WDFY4: variants seen among roughly 807,000 people sequenced by gnomAD.
The protein encoded by WDFY4 is WD repeat- and FYVE domain-containing protein 4.
WDFY4 carries 169 observed loss-of-function variants against 351.9 expected under a neutral mutation model. That is an observed-to-expected ratio of 0.48 (90% CI 0.42 to 0.55). The LOEUF (loss-of-function observed/expected upper bound fraction) is 0.55. Among genes scored for constraint, WDFY4 ranks in the 20% least tolerant of loss-of-function variants. WDFY4 has a pLI of 0.00. For synonymous variants in WDFY4, 1,622 were observed against 1,574.6 expected (o/e 1.03, Z -0.71); for missense variants, 3,803 against 3,935.6 (o/e 0.97, Z 0.90).
chr10:48,972,606 T>C (rs917757291), intron 57 of WDFY4, among the ~76,000 whole-genome samples: 2 of 152,264 alleles, frequency 1.3e-5, no homozygotes, highest in Non-Finnish European at 2.9e-5. Context: ...CTTCTAAAAC[T>C]AGACAATTAA....
chr10:48,704,447 G>T (rs1450809077), intron 1 of WDFY4, among the ~76,000 whole-genome samples: 2 of 152,116 alleles, frequency 1.3e-5, no homozygotes, highest in African/African-American at 4.8e-5. Flanking sequence ...GCAGGGAGGA[G>T]TGGTCTTGTC....
chr10:48,886,633 C>G (rs1020846643), intron 43 of WDFY4, among the ~76,000 whole-genome samples: 4 of 152,166 alleles, frequency 2.6e-5, no homozygotes, highest in African/African-American at 9.7e-5. Flanking sequence ...TCTGGGACTT[C>G]CTGTCCACCA....
rs564890714 is a variant in WDFY4 at position 48,909,275 on chromosome 10, T to C, written c.7586+7412T>C. On this transcript the variant is annotated intron_variant, in intron 47 of 61. Coordinates refer to ENST00000325239, the MANE Select transcript of WDFY4 (RefSeq NM_001394531.1). Reference sequence around the variant, plus strand: ...GTTAGAATACAAGTCTGCCATTTTATTTTTATTTTTTGTTTTTTTCCTGTT... The same window carrying C: ...GTTAGAATACAAGTCTGCCATTTTACTTTTATTTTTTGTTTTTTTCCTGTT... Among the ~76,000 whole-genome samples the C allele has an allele frequency of 2.6e-5, 4 of 152,346 alleles. No individual in the cohort carries two copies. In the South Asian group the frequency reaches 8.3e-4, roughly 32 times the overall value.
chr10:48,885,668 T>A (rs2070423020), intron 43 of WDFY4, among the ~76,000 whole-genome samples: 1 of 152,098 alleles, frequency 6.6e-6, no homozygotes, highest in South Asian at 2.1e-4. Context: ...TTTCCCAAAT[T>A]AATATATATG....
intron 47 of WDFY4, chr10:48,914,008 T>G: frequency 6.2e-7 from 1 of 1,614,200 alleles, no homozygotes; most frequent in Non-Finnish European, 8.5e-7. Flanking sequence ...TCCATGTCAC[T>G]AAGGCGCAGA....
chr10:48,857,764 C>T (rs1380689568), intron 39 of WDFY4, among the ~76,000 whole-genome samples: 1 of 151,960 alleles, frequency 6.6e-6, no homozygotes, highest in East Asian at 1.9e-4. Flanking sequence ...TGTACATTTT[C>T]TGATGATATT....
At chr10:48,759,726 C>T (rs1410139569) in intron 12 of WDFY4, among the ~76,000 whole-genome samples, 1 of 152,196 alleles carries the variant, frequency 6.6e-6, no homozygotes, top group Non-Finnish European at 1.5e-5. Context: ...ATCATGTCTA[C>T]ACCTTGTGCA....
At position 48,814,214 on chromosome 10, in the gene WDFY4, G is replaced by A. The variant is rs551291108; in HGVS notation, c.5340+132G>A. 1,101 of 1,279,892 alleles carry A rather than the reference G, an allele frequency of 8.6e-4. 2 individuals are homozygous for A. The highest frequency in any genetic ancestry group is 2.3e-3 in the South Asian group (130 of 56,902). 79.3% of individuals were successfully genotyped at this position (1,279,892 alleles called of 1,614,324 possible). On this transcript the variant is annotated intron_variant, in intron 31 of 61. Transcript: ENST00000325239. ...ATTAGCCAGATCCTGTAGAAGAGGT[G>A]AGGTAAGTTCCTAGAGTGACTCAGG... is the stretch of plus-strand genomic sequence containing the variant.
intron 35 of WDFY4, chr10:48,823,498 C>T (rs1057049364): frequency 2.6e-6 from 3 of 1,151,046 alleles, no homozygotes; most frequent in East Asian, 5.9e-5. Flanking sequence ...GACTGGGCCT[C>T]TTCACAGTTT....
intron 58 of WDFY4, 96 bp from the exon 59 acceptor site, chr10:48,976,701 T>G: frequency 1.7e-5 from 20 of 1,144,638 alleles, no homozygotes; most frequent in Non-Finnish European, 2.0e-5. Context: ...CATGACAGAT[T>G]GAGAGTACTT....
At chr10:48,711,145 T>C (rs925331107) in intron 2 of WDFY4, among the ~76,000 whole-genome samples, 12 of 152,206 alleles carry the variant, frequency 7.9e-5, no homozygotes, top group Admixed American at 7.9e-4. Context: ...TCAGAAATAT[T>C]TAAGGGTTTC....
chr10:48,890,434 G>A (rs1166342859), intron 43 of WDFY4, 145 bp from the exon 44 acceptor site: 1 of 996,158 alleles, frequency 1.0e-6, no homozygotes, highest in East Asian at 2.6e-5. Flanking sequence ...GTACAGTCCT[G>A]GGACAGCGGG....
rs184731422 is a variant in WDFY4, at chr10:48,943,168, T to A, written c.7630-162T>A. ...TTGCCTCCGTTCATACTGAAATTTGTGTGTGGGTCATGCATGAGATGTGCA... is the reference window on the plus strand; with the variant it reads ...TTGCCTCCGTTCATACTGAAATTTGAGTGTGGGTCATGCATGAGATGTGCA... On this transcript the variant is annotated intron_variant, in intron 48 of 61. Transcript: ENST00000325239. 9.3e-4 allele frequency among the ~76,000 whole-genome samples: 142 copies of A among 152,280 alleles called. 2 individuals carry two copies. Among genetic ancestry groups the A allele is most frequent in the African/African-American group, 3.4e-3 (141 of 41,554 alleles).
chr10:48,976,610 G>T (rs969158765), intron 58 of WDFY4, 187 bp from the exon 59 acceptor site: 3 of 432,872 alleles, frequency 6.9e-6, no homozygotes, highest in Admixed American at 4.4e-5. Context: ...AAAGAACCAA[G>T]AATTTACAAC....
chr10:48,826,559 G>A (rs2068018374), intron 35 of WDFY4, 112 bp from the exon 36 acceptor site: 12 of 744,792 alleles, frequency 1.6e-5, no homozygotes, highest in East Asian at 8.1e-5. Flanking sequence ...TACTTTGGGC[G>A]GTAAGCCATG....
chr10:48,756,714 T>A (rs567085112), intron 12 of WDFY4, among the ~76,000 whole-genome samples: 2 of 152,254 alleles, frequency 1.3e-5, no homozygotes, highest in African/African-American at 4.8e-5. Context: ...TTAAATGATA[T>A]TATCATGTGA....
At chr10:48,916,733 C>T (rs1838575407) in intron 47 of WDFY4, among the ~76,000 whole-genome samples, 1 of 152,150 alleles carries the variant, frequency 6.6e-6, no homozygotes, top group Non-Finnish European at 1.5e-5. Context: ...TCTGAACTCT[C>T]CTGAGCTGCC....
intron 24 of WDFY4, among the ~76,000 whole-genome samples, chr10:48,798,626 G>A (rs1034391812): frequency 1.3e-5 from 2 of 152,186 alleles, no homozygotes; most frequent in Admixed American, 1.3e-4. Context: ...CAAGTAAAGT[G>A]AGTCACTGGT....
intron 42 of WDFY4, among the ~76,000 whole-genome samples, chr10:48,875,450 T>A (rs549523176): frequency 6.6e-6 from 1 of 152,358 alleles, no homozygotes; most frequent in South Asian, 2.1e-4. Flanking sequence ...GGTCTTGTGC[T>A]GTCACCTAGG....
Sources: gnomAD v4.1 joint callset for allele counts (sites outside exome capture counted in the v4.1 genomes callset) on GRCh38, gnomAD v4.1.1 for gene constraint, MANE v1.5 for transcripts, NCBI Gene and HGNC (gene_info 2026-07-23, HGNC 2026-07-21) for gene names.